The following KLRG1 variants were observed in gnomAD, a reference collection of about 807,000 sequenced individuals.
The protein encoded by KLRG1 is killer cell lectin like receptor G1.
Under a neutral mutation model 21.8 loss-of-function variants are expected in KLRG1, and 16 were observed. The ratio of observed to expected loss-of-function variants is 0.73; its 90% CI spans 0.50 to 1.11. The LOEUF is 1.11. Ranked by LOEUF, KLRG1 falls within the 50% of genes most tolerant of loss-of-function variation. KLRG1 has a pLI of 0.00. For missense variants in KLRG1, 173 were observed against 218.3 expected, an observed-to-expected ratio of 0.79 and a Z score of 1.31; for synonymous variants, 69 against 75.9, an observed-to-expected ratio of 0.91 and a Z score of 0.47.
the KLRG1 span, among the ~76,000 whole-genome samples, chr12:9,035,796 A>C: frequency 6.6e-6 from 1 of 152,228 alleles, no homozygotes; most frequent in African/African-American, 2.4e-5. Flanking sequence ...GTACATCTAC[A>C]CCATGAAATA....
the KLRG1 span, chr12:9,106,233 C>T: frequency 6.3e-7 from 1 of 1,584,408 alleles, no homozygotes; most frequent in Non-Finnish European, 8.7e-7. Flanking sequence ...GAAAATACTC[C>T]ACCTGCCCAA....
chr12:9,064,978 C>A, the KLRG1 span: 1 of 152,346 alleles, frequency 6.6e-6, no homozygotes, highest in Non-Finnish European at 1.5e-5. This position sits in a 1 kb window ranked among gnomAD's most constrained non-coding sequence, Gnocchi z 4.0. Context: ...AGGGCTGAGC[C>A]CCAGGGCTCG....
At chr12:9,016,612 T>C in the KLRG1 span, among the ~76,000 whole-genome samples, 1 of 152,172 alleles carries the variant, frequency 6.6e-6, no homozygotes, top group Non-Finnish European at 1.5e-5. Context: ...ACTCAAATTA[T>C]TATATTTTAT....
At chr12:9,064,207 A>T in the KLRG1 span, 2 of 152,470 alleles carry the variant, frequency 1.3e-5, no homozygotes, top group Non-Finnish European at 2.9e-5. This position sits in a 1 kb window ranked among gnomAD's most constrained non-coding sequence, Gnocchi z 4.0. Context: ...CTTTGTCACT[A>T]ACTTAGTAAC....
At chr12:9,200,785 G>T in the KLRG1 span, 1 of 1,176,974 alleles carries the variant, frequency 8.5e-7, no homozygotes, top group South Asian at 1.5e-5. Flanking sequence ...CAGTAAGTCT[G>T]ACTCTACTGC....
the KLRG1 span, among the ~76,000 whole-genome samples, chr12:9,024,210 T>G: frequency 1.3e-5 from 2 of 151,798 alleles, no homozygotes; most frequent in African/African-American, 4.8e-5. Flanking sequence ...GTATTTTTAA[T>G]AGAGACAGGG....
chr12:8,956,725 G>A (rs962144353), intron 1 of KLRG1, among the ~76,000 whole-genome samples: 11 of 152,220 alleles, frequency 7.2e-5, no homozygotes, highest in Non-Finnish European at 1.2e-4. Flanking sequence ...GGGATTACCG[G>A]CATGAGCCAC....
At chr12:8,986,758 A>G (rs1946847783), upstream of KLRG1, among the ~76,000 whole-genome samples, 1 of 152,134 alleles carries the variant, frequency 6.6e-6, no homozygotes, top group African/African-American at 2.4e-5. Flanking sequence ...GTTGAATTGT[A>G]ATCTCCAGTG....
intron 1 of KLRG1, among the ~76,000 whole-genome samples, chr12:8,956,403 C>CA (rs1946294425): frequency 6.6e-6 from 1 of 152,172 alleles, no homozygotes; most frequent in Non-Finnish European, 1.5e-5. Context: ...CGGGATTCCC[C>CA]AAGCCAGAGC....
downstream of KLRG1, among the ~76,000 whole-genome samples, chr12:9,011,028 T>C (rs1384523193): frequency 6.6e-6 from 1 of 152,210 alleles, no homozygotes; most frequent in Non-Finnish European, 1.5e-5. Context: ...CAATTAAGGA[T>C]GTAATGATAG....
intron 3 of KLRG1, among the ~76,000 whole-genome samples, chr12:8,999,041 C>CTT (rs762459172): frequency 6.7e-6 from 1 of 149,088 alleles, no homozygotes; most frequent in African/African-American, 2.5e-5. Flanking sequence ...CTTATTATCT[C>CTT]TTTTTTTTTT....
At chr12:9,027,070 ATGT>A in the KLRG1 span, among the ~76,000 whole-genome samples, 1 of 150,674 alleles carries the variant, frequency 6.6e-6, no homozygotes, top group Non-Finnish European at 1.5e-5. Flanking sequence ...AATGTACAAC[ATGT>A]TGTTTTGAAA....
chr12:9,099,074 T>G, the KLRG1 span, among the ~76,000 whole-genome samples: 3 of 152,228 alleles, frequency 2.0e-5, no homozygotes, highest in African/African-American at 7.2e-5. Flanking sequence ...TCTTGCATTT[T>G]TCTTTTGGCT....
At chr12:9,080,201 A>AT in the KLRG1 span, 1 of 1,474,212 alleles carries the variant, frequency 6.8e-7, no homozygotes, top group African/African-American at 1.4e-5. Flanking sequence ...CAAATCAGAC[A>AT]TATGAAAATT....
chr12:8,954,148 T>G (rs1565533598), intron 1 of KLRG1, among the ~76,000 whole-genome samples: 1 of 152,158 alleles, frequency 6.6e-6, no homozygotes, highest in Non-Finnish European at 1.5e-5. Flanking sequence ...TGAATGGACC[T>G]GGAGGACATC....
the KLRG1 span, among the ~76,000 whole-genome samples, chr12:9,213,742 A>G: frequency 6.6e-6 from 1 of 152,022 alleles, no homozygotes; most frequent in African/African-American, 2.4e-5. Context: ...GATCTTTATC[A>G]GATATATAAT....
chr12:9,159,847 G>A, the KLRG1 span: 74 of 1,148,206 alleles, frequency 6.4e-5, 1 homozygote, highest in African/African-American at 1.1e-3. Flanking sequence ...CAGGTATTCT[G>A]TTATAAGCAA....
the KLRG1 span, chr12:9,151,637 C>A: frequency 6.2e-7 from 1 of 1,613,886 alleles, no homozygotes; most frequent in Non-Finnish European, 8.5e-7. Context: ...GGTTGTTGCT[C>A]ACTTCTGTCC....
the KLRG1 span, among the ~76,000 whole-genome samples, chr12:9,213,338 A>G: frequency 6.6e-6 from 1 of 152,194 alleles, no homozygotes; most frequent in Non-Finnish European, 1.5e-5. Flanking sequence ...GGGGGAATAT[A>G]TACAGGAGTG....
Sources: allele counts gnomAD v4.1 joint callset (sites outside exome capture counted in the v4.1 genomes callset), GRCh38; gene constraint gnomAD v4.1.1; non-coding constraint Gnocchi (gnomAD v3.1); transcripts MANE v1.5; gene names NCBI Gene and HGNC (gene_info 2026-07-23, HGNC 2026-07-21).